Variants in KIF26A observed in about 807,000 individuals in gnomAD.
KIF26A encodes the protein kinesin-like protein KIF26A.
A neutral mutation model predicts 126.0 loss-of-function variants in KIF26A; 74 were observed. The observed-to-expected ratio is 0.59, with a 90% CI of 0.49 to 0.71. KIF26A has a LOEUF of 0.71. KIF26A is among the 30% of genes least tolerant of loss of function. The pLI is 0.00. For missense variants in KIF26A, 2,984 were observed against 2,763.3 expected (o/e 1.08, Z -1.79); for synonymous variants, 1,445 against 1,232.7 (o/e 1.17, Z -3.61).
intron 4 of KIF26A, among the ~76,000 whole-genome samples, chr14:104,164,145 G>A (rs1040661858): frequency 1.3e-5 from 2 of 152,168 alleles, no homozygotes; most frequent in Admixed American, 6.5e-5. Context: ...CGCTGCAGCC[G>A]CCGCAGTGGG....
chr14:104,154,152 T>C (rs1054318022), intron 3 of KIF26A, among the ~76,000 whole-genome samples: 5 of 152,134 alleles, frequency 3.3e-5, no homozygotes, highest in Admixed American at 2.6e-4. Flanking sequence ...TAAATACTTG[T>C]GGAGAGATGC....
chr14:104,157,793 G>C lies in KIF26A; in HGVS notation c.774G>C (p.Thr258=). ...TGGCGGCCGTGGCGGTGGCAGACAC[G>C]GTCCGAGAATGCCCCCCCGTGGCCG... The part of the protein sequence containing the change: ...AAVAAVAVAD[T]VRECPPVAGP... The change falls in exon 4 of 15, where the codon ACG becomes ACC. Residue 258 remains threonine, a synonymous_variant. Coordinates refer to ENST00000423312, the MANE Select transcript of KIF26A (RefSeq NM_015656.2). 6.2e-7 allele frequency: 1 copy of C among 1,610,324 alleles called. No homozygotes were observed. Among genetic ancestry groups the C allele is most frequent in the Non-Finnish European group, 8.5e-7 (1 of 1,178,846 alleles).
intron 4 of KIF26A, among the ~76,000 whole-genome samples, chr14:104,166,267 G>A (rs182339721): frequency 1.2e-3 from 187 of 152,260 alleles, no homozygotes; most frequent in African/African-American, 4.3e-3. Context: ...CTGGGGCCTG[G>A]GGCTTGGGGT....
chr14:104,150,916 T>C (rs1177917023), intron 2 of KIF26A, among the ~76,000 whole-genome samples: 2 of 151,950 alleles, frequency 1.3e-5, no homozygotes, highest in Non-Finnish European at 2.9e-5. Context: ...GGGTGCCCTA[T>C]AGCTGAGACA....
chr14:104,180,122 C>G lies in KIF26A; in HGVS notation c.*332C>G. Reference sequence around the variant, plus strand: ...TTCAGCCCGGCCCCGCTGCGCCTGTCCGGGCCGGGGCTGGCGCCGGTTGTG... The same window carrying G: ...TTCAGCCCGGCCCCGCTGCGCCTGTGCGGGCCGGGGCTGGCGCCGGTTGTG... On this transcript the variant is annotated 3_prime_UTR_variant, in exon 15 of 15. Transcript: ENST00000423312. 3.8e-6 allele frequency: 1 copy of G among 261,562 alleles called. No individual in the cohort carries two copies. The highest frequency in any genetic ancestry group is 1.1e-3 in the Middle Eastern group (1 of 922). 16.2% of individuals were successfully genotyped at this position (261,562 alleles called of 1,614,324 possible).
chr14:104,176,608 C>G lies in KIF26A; in HGVS notation c.3820C>G (p.Gln1274Glu). Residue 1274 changes from glutamine to glutamate, a missense_variant, in exon 12 of 15, where the codon CAG (glutamine) becomes GAG (glutamate). Coordinates refer to ENST00000423312, the MANE Select transcript of KIF26A (RefSeq NM_015656.2). ...TGGCTCCCCCCGGCTGCCTGAGGCC[C>G]AGGTGATGCTAGCCTGTGCCCAGAG... ...TLGSPRLPEA[Q>E]VMLACAQRVV... 1.2e-6 allele frequency: 2 copies of G among 1,609,180 alleles called. No homozygotes were observed. The highest frequency in any genetic ancestry group is 1.7e-6 in the Non-Finnish European group (2 of 1,179,486).
chr14:104,153,176 T>G (rs978757259), intron 3 of KIF26A, among the ~76,000 whole-genome samples: 4 of 152,138 alleles, frequency 2.6e-5, no homozygotes, highest in Non-Finnish European at 5.9e-5. Flanking sequence ...GGCCTCCCTG[T>G]GACTGGTGAG....
chr14:104,141,594 CG>C (rs1342365671), intron 2 of KIF26A, among the ~76,000 whole-genome samples: 1 of 145,160 alleles, frequency 6.9e-6, no homozygotes, highest in Admixed American at 6.7e-5. Context: ...CGTAGAGGGT[CG>C]GGGCCCAGCC....
At chr14:104,161,168 G>A (rs929836687) in intron 4 of KIF26A, among the ~76,000 whole-genome samples, 1 of 152,248 alleles carries the variant, frequency 6.6e-6, no homozygotes, top group African/African-American at 2.4e-5. Flanking sequence ...AGGGGCTGAT[G>A]CCTCAGTCTC....
At position 104,177,094 on chromosome 14, in the gene KIF26A, G is replaced by T. The variant is rs182750048; in HGVS notation, c.4306G>T (p.Ala1436Ser). The change falls in exon 12 of 15, where the codon GCG becomes TCG. Residue 1436 changes from alanine (A) to serine (S), a missense_variant. Coordinates refer to ENST00000423312, the MANE Select transcript of KIF26A (RefSeq NM_015656.2). ...VEAAHRLAGHASLERYEGLAH... is the reference protein window; with the variant it reads ...VEAAHRLAGHSSLERYEGLAH... ...AGCAGCACACCGTCTTGCCGGACAC[G>T]CGTCTCTGGAGCGGTACGAAGGCCT... The T allele has an allele frequency of 1.3e-6, 2 of 1,596,958 alleles. No homozygotes were observed. The highest frequency in any genetic ancestry group is 1.7e-6 in the Non-Finnish European group (2 of 1,179,160).
Position 104,151,770 on chromosome 14 carries a change from T to C in KIF26A, c.289-245T>C, listed in dbSNP as rs1359154187. Among the ~76,000 whole-genome samples the C allele has an allele frequency of 1.3e-5, 2 of 152,244 alleles. No individual in the cohort carries two copies. The highest frequency in any genetic ancestry group is 4.8e-5 in the African/African-American group (2 of 41,474). On this transcript the variant is annotated intron_variant, in intron 2 of 14. Coordinates refer to ENST00000423312, the MANE Select transcript of KIF26A (RefSeq NM_015656.2). The surrounding 1 kb of genome is among the most constrained non-coding windows in gnomAD (Gnocchi z 4.9). ...CCTTGTTAGCCGCAGGCCGGGGCGC[T>C]TAATGACGGCTGGGGAAGGTGGACA...
chr14:104,168,182 C>T (rs148971873), intron 5 of KIF26A, among the ~76,000 whole-genome samples: 14 of 152,250 alleles, frequency 9.2e-5, no homozygotes, highest in African/African-American at 1.2e-4. Flanking sequence ...TGTTAGAGCT[C>T]GGGAGGTGCC....
chr14:104,160,756 T>C (rs886662759), intron 4 of KIF26A, among the ~76,000 whole-genome samples: 1 of 152,230 alleles, frequency 6.6e-6, no homozygotes, highest in African/African-American at 2.4e-5. Context: ...GTGCCTCCTC[T>C]GAGGTACTTC....
In KIF26A at chr14:104,140,482, A is replaced by G. The variant is rs369857465; in HGVS notation, c.288+1194A>G. 3.1e-4 allele frequency among the ~76,000 whole-genome samples: 47 copies of G among 152,174 alleles called. 1 individual carries two copies. The highest frequency in any genetic ancestry group is 1.1e-3 in the African/African-American group (44 of 41,438). On this transcript the variant is annotated intron_variant, in intron 2 of 14. Transcript: ENST00000423312. ...GCCCATCTTGCTGCCCCATTAGGGG[A>G]AACACGCCAGAGACAGGAGGGGCAT...
Position 104,166,934 on chromosome 14 carries a change from C to T in KIF26A, c.999C>T (p.Thr333=). ...CACCGCCTCCAGCCACCCGCGGCAC[C>T]TCCACCTACCCCACCGACTTCAGCG... The part of the protein sequence containing the change: ...HPPPPPATRG[T]STYPTDFSGV... The change falls in exon 5 of 15, where the codon ACC becomes ACT. Residue 333 remains threonine, a synonymous_variant. Transcript: ENST00000423312. 6.3e-7 allele frequency: 1 copy of T among 1,594,080 alleles called. No homozygotes were observed. The highest frequency in any genetic ancestry group is 1.1e-5 in the South Asian group (1 of 87,764).
intron 7 of KIF26A, 78 bp from the exon 8 acceptor site, chr14:104,172,899 T>C (rs2037974079): frequency 1.4e-6 from 2 of 1,451,606 alleles, no homozygotes; most frequent in Non-Finnish European, 1.8e-6. Context: ...TGCCCCTGGT[T>C]GGCCCCCGGG....
Position 104,138,996 on chromosome 14 carries a change from A to C in KIF26A, c.43-47A>C, listed in dbSNP as rs542759545. 4.7e-3 allele frequency: 6,229 copies of C among 1,323,154 alleles called. 38 individuals are homozygous for C. Among genetic ancestry groups the C allele is most frequent in the African/African-American group, 0.02 (1,305 of 64,772 alleles). The allele number at this position is 1,323,154 out of a possible 1,614,324, so 82.0% of individuals were successfully genotyped here. ...CAGGGCGCGCAGGGGTCTGGATCCG[A>C]CGGACGTCCCAGGCTCACTGTCCGC... On this transcript the variant is annotated intron_variant, in intron 1 of 14. Coordinates refer to ENST00000423312, the MANE Select transcript of KIF26A (RefSeq NM_015656.2).
In KIF26A at chr14:104,176,813, G is replaced by A; in HGVS notation, c.4025G>A (p.Ser1342Asn). 6.4e-7 allele frequency: 1 copy of A among 1,560,548 alleles called. No homozygotes were observed. Among genetic ancestry groups the A allele is most frequent in the South Asian group, 1.2e-5 (1 of 84,566 alleles). ...CSGSLKASPT[S>N]KKGLAPKAGF... is the part of the protein sequence containing the mutation. Reference sequence around the variant, plus strand: ...GGGAGCCTGAAGGCCTCCCCCACCAGCAAGAAGGGTCTGGCTCCCAAGGCG... The same window carrying A: ...GGGAGCCTGAAGGCCTCCCCCACCAACAAGAAGGGTCTGGCTCCCAAGGCG... The change falls in exon 12 of 15, where the codon AGC (serine) becomes AAC (asparagine). Residue 1342 changes from serine (S) to asparagine (N), a missense_variant. Coordinates refer to ENST00000423312, the MANE Select transcript of KIF26A (RefSeq NM_015656.2).
Position 104,179,603 on chromosome 14 carries a change from C to A in KIF26A, c.5468-6C>A, listed in dbSNP as rs1248513536. 2 of 1,519,008 alleles carry A rather than the reference C, an allele frequency of 1.3e-6. No individual in the cohort carries two copies. Among genetic ancestry groups the A allele is most frequent in the South Asian group, 2.5e-5 (2 of 78,934 alleles). 94.1% of individuals were successfully genotyped at this position (1,519,008 alleles called of 1,614,324 possible). On this transcript the variant is annotated splice_region_variant and splice_polypyrimidine_tract_variant and intron_variant, in intron 14 of 14. Coordinates refer to ENST00000423312, the MANE Select transcript of KIF26A (RefSeq NM_015656.2). ...AGGTGCCCCTCCCCTCTCCTCCCCTCCCCAGTTGAGGTGGACCCGGAGCTG... is the reference window on the plus strand; with the variant it reads ...AGGTGCCCCTCCCCTCTCCTCCCCTACCCAGTTGAGGTGGACCCGGAGCTG...
Sources: allele counts gnomAD v4.1 joint callset (sites outside exome capture counted in the v4.1 genomes callset), GRCh38; gene constraint gnomAD v4.1.1; non-coding constraint Gnocchi (gnomAD v3.1); transcripts MANE v1.5; gene names NCBI Gene and HGNC (gene_info 2026-07-23, HGNC 2026-07-21).